The following PRKAR1B variants were observed in gnomAD, a reference collection of about 807,000 sequenced individuals.
The protein encoded by PRKAR1B is protein kinase cAMP-dependent type I regulatory subunit beta.
A neutral mutation model predicts 46.5 loss-of-function variants in PRKAR1B; 22 were observed. The ratio of observed to expected loss-of-function variants is 0.47; its 90% CI spans 0.34 to 0.68. The LOEUF (loss-of-function observed/expected upper bound fraction) is 0.68. Ranked by LOEUF, PRKAR1B falls within the 30% of genes least tolerant of loss-of-function variation. The pLI, the probability that PRKAR1B is intolerant of heterozygous loss-of-function variation, is 0.01. For synonymous variants in PRKAR1B, 259 were observed against 217.7 expected, an observed-to-expected ratio of 1.19 and a Z score of -1.67; for missense variants, 445 against 535.6, an observed-to-expected ratio of 0.83 and a Z score of 1.67.
chr7:641,483 C>A (rs143385011), intron 4 of PRKAR1B, among the ~76,000 whole-genome samples: 2 of 151,678 alleles, frequency 1.3e-5, no homozygotes, highest in Non-Finnish European at 2.9e-5. Flanking sequence ...AGCTCCAAAG[C>A]GAAAACAACC....
chr7:637,614 A>G lies in PRKAR1B; in HGVS notation c.441-30162T>C, dbSNP rs528788744. Among the ~76,000 whole-genome samples, 28 of 152,124 alleles carry G rather than the reference A, an allele frequency of 1.8e-4. No homozygotes were observed. The South Asian group carries it at 2.5e-3, about 14-fold the overall frequency. On this transcript the variant is annotated intron_variant, in intron 4 of 10. Transcript: ENST00000537384. ...TTTGGGAGGCCGAGGTGGGTGGATC[A>G]CCTGAGGTCAGGAGATCGAGACCAG...
At chr7:608,061 A>AC (rs1357555301) in intron 4 of PRKAR1B, 1 of 153,118 alleles carries the variant, frequency 6.5e-6, no homozygotes, top group African/African-American at 2.4e-5. Context: ...GACCATGCAG[A>AC]CAGGACCCAA....
At chr7:656,646 TG>T (rs1785211034) in intron 4 of PRKAR1B, among the ~76,000 whole-genome samples, 1 of 151,420 alleles carries the variant, frequency 6.6e-6, no homozygotes, top group African/African-American at 2.4e-5. Flanking sequence ...AATGAATGAG[TG>T]AATGGATGAA....
At chr7:588,810 A>G (rs1261015026) in intron 7 of PRKAR1B, among the ~76,000 whole-genome samples, 66 of 44,988 alleles carry the variant, frequency 1.5e-3, no homozygotes, top group Middle Eastern at 0.014. Flanking sequence ...GACAGTGGTG[A>G]TCACGATGAT....
At chr7:643,177 G>A (rs574790223) in intron 4 of PRKAR1B, among the ~76,000 whole-genome samples, 4 of 151,614 alleles carry the variant, frequency 2.6e-5, no homozygotes, top group African/African-American at 9.8e-5. Flanking sequence ...TAAACTTCCT[G>A]ATACTATATT....
At chr7:696,876 G>C (rs1033338019) in intron 2 of PRKAR1B, 2 of 152,492 alleles carry the variant, frequency 1.3e-5, no homozygotes, top group African/African-American at 4.8e-5. Context: ...ACAGCGAGCA[G>C]GGCCCCTCCC....
At chr7:680,486 C>A in intron 3 of PRKAR1B, 70 bp downstream of exon 3, 1 of 1,460,534 alleles carries the variant, frequency 6.8e-7, no homozygotes, top group South Asian at 1.4e-5. Flanking sequence ...CGTGGGCTTC[C>A]AGGGAGCTCA....
In PRKAR1B at chr7:698,752, G is replaced by A. The variant is rs915374111; in HGVS notation, c.177+12577C>T. On this transcript the variant is annotated intron_variant, in intron 2 of 10. Coordinates refer to ENST00000537384, the MANE Select transcript of PRKAR1B (RefSeq NM_001164760.2). ...TGTGTTTTAATGCATGTGCACACAC[G>A]ACTCCACGTACCCTCCTCCTCGGTG... is the stretch of plus-strand genomic sequence containing the variant. 2.0e-5 allele frequency among the ~76,000 whole-genome samples: 3 copies of A among 151,884 alleles called. No homozygotes were observed. In the East Asian group the frequency reaches 5.8e-4, roughly 29 times the overall value.
At chr7:652,772 C>A (rs751528486) in intron 4 of PRKAR1B, among the ~76,000 whole-genome samples, 1 of 152,232 alleles carries the variant, frequency 6.6e-6, no homozygotes, top group Admixed American at 6.5e-5. Flanking sequence ...ATAAGGATTT[C>A]TTGGCTCCAA....
rs548089356 is a variant in PRKAR1B at position 650,192 on chromosome 7, G to A, written c.440+27037C>T. Among the ~76,000 whole-genome samples, 19 of 152,272 alleles carry A rather than the reference G, an allele frequency of 1.2e-4. No individual in the cohort carries two copies. The South Asian group carries it at 2.9e-3, about 23-fold the overall frequency. On this transcript the variant is annotated intron_variant, in intron 4 of 10. Transcript: ENST00000537384. ...CTGCAATCTGTGCAGGCAGGACCCA[G>A]GTGTGTGAGTGAGTGTGCCTTCTCT...
At chr7:637,274 C>T (rs898213965) in intron 4 of PRKAR1B, among the ~76,000 whole-genome samples, 2 of 151,990 alleles carry the variant, frequency 1.3e-5, no homozygotes, top group Non-Finnish European at 2.9e-5. Context: ...CAAAAATTAG[C>T]TGGGCATGGT....
chr7:640,808 AG>A (rs1784350784), intron 4 of PRKAR1B, among the ~76,000 whole-genome samples: 6 of 34,652 alleles, frequency 1.7e-4, no homozygotes, highest in African/African-American at 7.3e-4. Context: ...ACACACACAC[AG>A]ACACAAATGA....
chr7:618,480 T>A (rs948131192), intron 4 of PRKAR1B, among the ~76,000 whole-genome samples: 1 of 152,174 alleles, frequency 6.6e-6, no homozygotes, highest in Non-Finnish European at 1.5e-5. Context: ...AAACATAGAA[T>A]CTTAAGCTAT....
chr7:662,337 T>TC (rs1166811728), intron 4 of PRKAR1B, among the ~76,000 whole-genome samples: 1 of 77,126 alleles, frequency 1.3e-5, no homozygotes, highest in African/African-American at 5.5e-5. Flanking sequence ...ATACCTACTC[T>TC]CCCCCCCATG....
chr7:656,628 G>GATGA (rs1435609247), intron 4 of PRKAR1B, among the ~76,000 whole-genome samples: 1 of 152,032 alleles, frequency 6.6e-6, no homozygotes, highest in Non-Finnish European at 1.5e-5. Flanking sequence ...TGAATGCGTA[G>GATGA]ATGAATGAAT....
At chr7:581,940 A>C (rs1264778321) in intron 8 of PRKAR1B, among the ~76,000 whole-genome samples, 1 of 152,180 alleles carries the variant, frequency 6.6e-6, no homozygotes, top group Non-Finnish European at 1.5e-5. Context: ...GCTGGTCTGG[A>C]GTTCATGGCC....
rs1398279787 is a variant in PRKAR1B, at chr7:551,915, C to T, written c.892-445G>A. ...AGGTCCTTCTCCAGAGCCACTGCCA[C>T]CACCACGTCACCACCCAAACCCCCA... is the stretch of plus-strand genomic sequence containing the variant. On this transcript the variant is annotated intron_variant, in intron 9 of 10. Coordinates refer to ENST00000537384, the MANE Select transcript of PRKAR1B (RefSeq NM_001164760.2). Among the ~76,000 whole-genome samples the T allele has an allele frequency of 5.8e-4, 62 of 107,778 alleles. 1 individual carries two copies. Among genetic ancestry groups the T allele is most frequent in the African/African-American group, 1.0e-3 (27 of 26,708 alleles). 70.7% of individuals were successfully genotyped at this position (107,778 alleles called of 152,430 possible).
intron 7 of PRKAR1B, among the ~76,000 whole-genome samples, chr7:594,207 G>A (rs970542708): frequency 6.6e-6 from 1 of 152,092 alleles, no homozygotes; most frequent in African/African-American, 2.4e-5. Flanking sequence ...CCAGGAGTCA[G>A]CCAAGCCCCC....
chr7:704,779 A>C (rs1291990052), intron 2 of PRKAR1B, among the ~76,000 whole-genome samples: 1 of 152,190 alleles, frequency 6.6e-6, no homozygotes, highest in Non-Finnish European at 1.5e-5. Context: ...GGAGTAAATA[A>C]ATAAATAAAC....
Sources: allele counts gnomAD v4.1 joint callset (sites outside exome capture counted in the v4.1 genomes callset), GRCh38; gene constraint gnomAD v4.1.1; transcripts MANE v1.5; gene names NCBI Gene and HGNC (gene_info 2026-07-23, HGNC 2026-07-21).